The following ERBIN variants were observed in gnomAD, a reference collection of about 807,000 sequenced individuals.
ERBIN encodes densin-180-like protein.
In ERBIN, 60 loss-of-function variants were observed where a neutral mutation model predicts 158.4. The ratio of observed to expected loss-of-function variants is 0.38; its 90% confidence interval spans 0.31 to 0.47. The LOEUF is 0.47. Ranked by LOEUF, ERBIN falls within the 20% of genes least tolerant of loss-of-function variation. ERBIN has a pLI of 0.99. For synonymous variants in ERBIN, 594 were observed against 557.2 expected, an observed-to-expected ratio of 1.07 and a Z score of -0.93; for missense variants, 1,610 against 1,648.0, an observed-to-expected ratio of 0.98 and a Z score of 0.40.
intron 8 of ERBIN, 28 bp downstream of exon 8, chr5:66,021,413 T>A: frequency 6.9e-7 from 1 of 1,441,232 alleles, no homozygotes; most frequent in Non-Finnish European, 9.6e-7. Context: ...TCACTTTCCC[T>A]AAGTTCTTAT....
Position 66,038,801 on chromosome 5 carries a change from T to C in ERBIN, c.1306+319T>C, listed in dbSNP as rs369912251. Reference sequence around the variant, plus strand: ...ATAAGAATTATTAAACCAAGAAATATTTTCTTCACCTGTGAACTTAATATT... The same window carrying C: ...ATAAGAATTATTAAACCAAGAAATACTTTCTTCACCTGTGAACTTAATATT... On this transcript the variant is annotated intron_variant, in intron 15 of 25. Transcript: ENST00000284037. Among the ~76,000 whole-genome samples, 4 of 152,116 alleles carry C rather than the reference T, an allele frequency of 2.6e-5. No homozygotes were observed. In the East Asian group the frequency reaches 5.8e-4, roughly 22 times the overall value.
At chr5:66,061,748 A>G (rs573416298) in intron 21 of ERBIN, among the ~76,000 whole-genome samples, 7 of 152,316 alleles carry the variant, frequency 4.6e-5, no homozygotes, top group East Asian at 1.9e-4. Flanking sequence ...GGTGGTGACA[A>G]AATCTCTCAG....
At chr5:65,966,665 A>T (rs1442506001) in intron 1 of ERBIN, among the ~76,000 whole-genome samples, 1 of 141,668 alleles carries the variant, frequency 7.1e-6, no homozygotes, top group African/African-American at 2.7e-5. Flanking sequence ...GGGCAACAAG[A>T]GTGAAACTCT....
At chr5:66,064,062 A>T (rs1478330076) in intron 21 of ERBIN, among the ~76,000 whole-genome samples, 1 of 152,170 alleles carries the variant, frequency 6.6e-6, no homozygotes, top group Non-Finnish European at 1.5e-5. Flanking sequence ...TGTCGGTGAG[A>T]TTTGGGGACT....
chr5:66,021,754 T>C (rs1755712731), intron 8 of ERBIN, among the ~76,000 whole-genome samples: 1 of 152,168 alleles, frequency 6.6e-6, no homozygotes, highest in African/African-American at 2.4e-5. Context: ...TGTTAACTTA[T>C]TCAGTAATAA....
At chr5:65,950,243 G>A (rs904912577) in intron 1 of ERBIN, among the ~76,000 whole-genome samples, 1 of 152,178 alleles carries the variant, frequency 6.6e-6, no homozygotes, top group African/African-American at 2.4e-5. Context: ...CTGACCTCGT[G>A]ATCCCCCTGC....
At chr5:66,069,500 A>G (rs578053491) in intron 21 of ERBIN, among the ~76,000 whole-genome samples, 10 of 152,342 alleles carry the variant, frequency 6.6e-5, no homozygotes, top group Admixed American at 3.3e-4. Flanking sequence ...AGAAATTGTA[A>G]TAAGTGTCAG....
At chr5:65,971,374 T>TA (rs1434486458) in intron 1 of ERBIN, among the ~76,000 whole-genome samples, 1 of 152,148 alleles carries the variant, frequency 6.6e-6, no homozygotes, top group East Asian at 1.9e-4. Context: ...GGTAGAAAGA[T>TA]AGAGACAGAG....
chr5:65,996,982 C>G (rs937634349), intron 4 of ERBIN, among the ~76,000 whole-genome samples: 1 of 151,610 alleles, frequency 6.6e-6, no homozygotes, highest in African/African-American at 2.4e-5. Context: ...ATTTTTGTAT[C>G]CTGCAATTTT....
intron 21 of ERBIN, among the ~76,000 whole-genome samples, chr5:66,060,615 C>A (rs1408076330): frequency 6.6e-6 from 1 of 152,122 alleles, no homozygotes; most frequent in East Asian, 1.9e-4. Flanking sequence ...TTCTCTAGTG[C>A]TTTTAATTGT....
At chr5:65,987,890 A>T (rs1751440102) in intron 1 of ERBIN, among the ~76,000 whole-genome samples, 2 of 151,788 alleles carry the variant, frequency 1.3e-5, no homozygotes, top group Admixed American at 6.5e-5. Context: ...CCCATAAACA[A>T]TTAACAGTGC....
intron 4 of ERBIN, among the ~76,000 whole-genome samples, chr5:66,010,448 T>A (rs1490375094): frequency 6.6e-6 from 1 of 152,186 alleles, no homozygotes; most frequent in Non-Finnish European, 1.5e-5. Flanking sequence ...TTTTCCTTTT[T>A]AATTGCCATG....
chr5:66,072,134 CATT>C, intron 21 of ERBIN, 32 bp from the exon 22 acceptor site: 1 of 1,541,922 alleles, frequency 6.5e-7, no homozygotes, highest in Non-Finnish European at 8.7e-7. Flanking sequence ...TCTTAAAGAA[CATT>C]ATTTGTTTAC....
intron 1 of ERBIN, among the ~76,000 whole-genome samples, chr5:65,931,707 T>C (rs1743406059): frequency 6.6e-6 from 1 of 152,290 alleles, no homozygotes; most frequent in Non-Finnish European, 1.5e-5. Context: ...TCATATCTGC[T>C]TCTTCACTCC....
intron 15 of ERBIN, among the ~76,000 whole-genome samples, chr5:66,040,394 A>G (rs1363040006): frequency 1.3e-5 from 2 of 151,898 alleles, no homozygotes; most frequent in African/African-American, 4.8e-5. Flanking sequence ...AGAGATCACA[A>G]TTCAGGTAAA....
chr5:65,983,990 C>G (rs1163083165), intron 1 of ERBIN, among the ~76,000 whole-genome samples: 2 of 152,178 alleles, frequency 1.3e-5, no homozygotes, highest in African/African-American at 4.8e-5. Context: ...CCACTGTCCC[C>G]CAGCCAGCTG....
At chr5:65,998,597 G>A (rs1240396807) in intron 4 of ERBIN, among the ~76,000 whole-genome samples, 3 of 151,590 alleles carry the variant, frequency 2.0e-5, no homozygotes, top group Non-Finnish European at 4.4e-5. Context: ...TTTTTATCTA[G>A]CTATCTTAAA....
intron 1 of ERBIN, among the ~76,000 whole-genome samples, chr5:65,988,426 T>C (rs989310226): frequency 1.3e-5 from 2 of 151,996 alleles, no homozygotes; most frequent in African/African-American, 4.8e-5. Flanking sequence ...TATGTGTGTG[T>C]GTGTGTGTGC....
chr5:66,042,988 A>G (rs1758066138), intron 15 of ERBIN, 89 bp from the exon 16 acceptor site: 1 of 1,005,858 alleles, frequency 9.9e-7, no homozygotes, highest in Non-Finnish European at 1.5e-6. Flanking sequence ...ATTGTAGTGA[A>G]CATAACTCAT....
Sources: gnomAD v4.1 joint callset for allele counts (sites outside exome capture counted in the v4.1 genomes callset) on GRCh38, gnomAD v4.1.1 for gene constraint, MANE v1.5 for transcripts, NCBI Gene and HGNC (gene_info 2026-07-23, HGNC 2026-07-21) for gene names.